Variants in SPINK5 observed in about 807,000 individuals in gnomAD.
SPINK5 encodes serine peptidase inhibitor Kazal type 5.
Under a neutral mutation model 151.8 loss-of-function variants are expected in SPINK5, and 125 were observed. The observed-to-expected ratio is 0.82, with a 90% CI of 0.71 to 0.96. The LOEUF is 0.96. SPINK5 is among the 40% of genes least tolerant of loss of function. SPINK5 has a pLI of 0.00. For missense variants in SPINK5, 1,194 were observed against 1,291.9 expected (o/e 0.92, Z 1.16); for synonymous variants, 374 against 395.3 (o/e 0.95, Z 0.64).
intron 8 of SPINK5, among the ~76,000 whole-genome samples, chr5:148,093,563 CTTG>C (rs1554103856): frequency 6.6e-6 from 1 of 151,788 alleles, no homozygotes; most frequent in Non-Finnish European, 1.5e-5. Context: ...TGGATAACAT[CTTG>C]TTTCTTTATA....
chr5:148,112,737 C>A lies in SPINK5; in HGVS notation c.1821-131C>A, dbSNP rs992278646. ...AATGATGTAGAGAGATGTGTGTTTA[C>A]CTTTCCACTCCAAAGCTAAGTTGGT... is the stretch of plus-strand genomic sequence containing the variant. On this transcript the variant is annotated intron_variant, in intron 19 of 32. Transcript: ENST00000256084. The A allele has an allele frequency of 2.8e-6, 4 of 1,436,280 alleles. No individual in the cohort carries two copies. The African/African-American group carries it at 5.7e-5, about 21-fold the overall frequency. The allele number at this position is 1,436,280 out of a possible 1,614,324, so 89.0% of individuals were successfully genotyped here.
At position 148,107,223 on chromosome 5, in the gene SPINK5, T is replaced by C. The variant is rs1303375137; in HGVS notation, c.1607+59T>C. The C allele has an allele frequency of 2.5e-6, 4 of 1,598,008 alleles. No individual in the cohort carries two copies. The African/African-American group carries it at 5.4e-5, about 21-fold the overall frequency. On this transcript the variant is annotated intron_variant, in intron 17 of 32. Coordinates refer to ENST00000256084, the MANE Select transcript of SPINK5 (RefSeq NM_006846.4). ...CTTCATCCATGATCGCCCCTGAGTC[T>C]CAGATCCTTCATGCATGTGTAGAGT...
intron 28 of SPINK5, 105 bp from the exon 29 acceptor site, chr5:148,125,618 G>T (rs1754410212): frequency 5.0e-6 from 8 of 1,614,092 alleles, no homozygotes; most frequent in Non-Finnish European, 6.8e-6. Context: ...AGTACAGTGA[G>T]TCTGAGCCCA....
At chr5:148,078,338 A>G (rs1477880569) in intron 4 of SPINK5, among the ~76,000 whole-genome samples, 2 of 151,188 alleles carry the variant, frequency 1.3e-5, no homozygotes, top group Non-Finnish European at 3.0e-5. Context: ...GAATTCAAAA[A>G]TAATCGTTAG....
At chr5:148,133,367 C>T (rs1373208429) in intron 31 of SPINK5, among the ~76,000 whole-genome samples, 1 of 152,182 alleles carries the variant, frequency 6.6e-6, no homozygotes, top group Non-Finnish European at 1.5e-5. Context: ...AAAATTCGTA[C>T]TCCTTAAGAT....
chr5:148,126,016 CTG>C (rs1299068934), intron 29 of SPINK5, among the ~76,000 whole-genome samples, 166 bp downstream of exon 29: 2 of 152,182 alleles, frequency 1.3e-5, no homozygotes, highest in Non-Finnish European at 2.9e-5. Flanking sequence ...AGAAAGAACA[CTG>C]AGACTTGGAG....
chr5:148,118,215 C>T (rs1754150012), intron 22 of SPINK5, among the ~76,000 whole-genome samples: 2 of 152,114 alleles, frequency 1.3e-5, no homozygotes. Flanking sequence ...GACAGTGTTT[C>T]ACCATGCTGT....
In SPINK5 at chr5:148,120,330, A is replaced by G. The variant is rs1330257248; in HGVS notation, c.2477A>G (p.Asp826Gly). 6.2e-7 allele frequency: 1 copy of G among 1,604,814 alleles called. No individual in the cohort carries two copies. The highest frequency in any genetic ancestry group is 1.3e-5 in the African/African-American group (1 of 74,632). The change falls in exon 26 of 33, where the codon GAT becomes GGT. Residue 826 changes from aspartate (D) to glycine (G), a missense_variant. Physicochemically the swap from Asp to Gly is moderately conservative, Grantham distance 94. Coordinates refer to ENST00000256084, the MANE Select transcript of SPINK5 (RefSeq NM_006846.4). ...REAAEKKKKE[D>G]EDRSNTGERS... ...GCAGCTGAAAAAAAAAAGAAAGAGG[A>G]TGAAGACAGGAGCAATACAGGAGAA...
At chr5:148,065,963 G>A (rs1007977) in intron 2 of SPINK5, among the ~76,000 whole-genome samples, 106,540 of 151,952 alleles carry the variant, frequency 0.7, 37,811 homozygotes, top group East Asian at 0.91. Context: ...CATATGGTAC[G>A]TTAAATAATG....
rs1383400571 is a variant in SPINK5 at position 148,119,999 on chromosome 5, A to G, written c.2314-10A>G. The G allele has an allele frequency of 4.3e-6, 7 of 1,613,690 alleles. No homozygotes were observed. The highest frequency in any genetic ancestry group is 5.1e-6 in the Non-Finnish European group (6 of 1,179,666). On this transcript the variant is annotated splice_polypyrimidine_tract_variant and intron_variant, in intron 24 of 32. Coordinates refer to ENST00000256084, the MANE Select transcript of SPINK5 (RefSeq NM_006846.4). Reference sequence around the variant, plus strand: ...ACAGCACTTCCAATATAATCTTCCCATCTTTTCAGGATACATGTGATGAGT... The same window carrying G: ...ACAGCACTTCCAATATAATCTTCCCGTCTTTTCAGGATACATGTGATGAGT...
chr5:148,109,638 C>T (rs1005446078), intron 18 of SPINK5, among the ~76,000 whole-genome samples: 1 of 151,936 alleles, frequency 6.6e-6, no homozygotes, highest in Non-Finnish European at 1.5e-5. Context: ...AGATTTTACA[C>T]GCTTCTGCCA....
intron 25 of SPINK5, 22 bp downstream of exon 25, chr5:148,120,158 C>A (rs369933837): frequency 1.2e-6 from 2 of 1,613,986 alleles, no homozygotes; most frequent in East Asian, 2.2e-5. Context: ...TCAAAATGAG[C>A]TTTTGACTGT....
At chr5:148,124,143 C>T (rs966573057) in intron 27 of SPINK5, among the ~76,000 whole-genome samples, 183 bp downstream of exon 27, 1 of 152,096 alleles carries the variant, frequency 6.6e-6, no homozygotes, top group Non-Finnish European at 1.5e-5. Context: ...TGTTGAAAAG[C>T]ATAATCATAC....
rs1403338348 is a variant in SPINK5 at position 148,137,325 on chromosome 5, T to A, written c.*334T>A. On this transcript the variant is annotated 3_prime_UTR_variant, in exon 33 of 33. Transcript: ENST00000256084. ...TCTTTGTCACTATCTGGATAATAGA[T>A]ATTTGCTTTTAAAGAAACTGAATAA... is the stretch of plus-strand genomic sequence containing the variant. 1 of 380,696 alleles carries A rather than the reference T, an allele frequency of 2.6e-6. No homozygotes were observed. Among genetic ancestry groups the A allele is most frequent in the Non-Finnish European group, 4.7e-6 (1 of 210,940 alleles). 23.6% of individuals were successfully genotyped at this position (380,696 alleles called of 1,614,324 possible).
At chr5:148,076,176 T>A (rs1358908398) in intron 4 of SPINK5, among the ~76,000 whole-genome samples, 5 of 151,776 alleles carry the variant, frequency 3.3e-5, no homozygotes, top group African/African-American at 1.2e-4. Flanking sequence ...AAGGTCTATC[T>A]GAGAGGGTGA....
chr5:148,065,154 A>C (rs1300927457), intron 1 of SPINK5, among the ~76,000 whole-genome samples, 193 bp from the exon 2 acceptor site: 1 of 152,158 alleles, frequency 6.6e-6, no homozygotes, highest in Non-Finnish European at 1.5e-5. Flanking sequence ...CTTTGTGAGT[A>C]TATATACTAA....
At chr5:148,103,005 C>G (rs961480432) in intron 15 of SPINK5, among the ~76,000 whole-genome samples, 8 of 151,984 alleles carry the variant, frequency 5.3e-5, no homozygotes, top group African/African-American at 1.9e-4. Flanking sequence ...AAAAAAACCC[C>G]CATTTTATTT....
chr5:148,070,511 G>A (rs1752710506), intron 3 of SPINK5, 61 bp downstream of exon 3: 2 of 1,598,488 alleles, frequency 1.3e-6, no homozygotes, highest in South Asian at 1.1e-5. Context: ...CTCTGAACTG[G>A]TAAATGTATT....
At chr5:148,065,502 A>G in intron 2 of SPINK5, 130 bp downstream of exon 2, 1 of 948,124 alleles carries the variant, frequency 1.1e-6, no homozygotes, top group Non-Finnish European at 1.6e-6. Context: ...TTTGTTAAAA[A>G]CACAGAAACA....
Sources: gnomAD v4.1 joint callset for allele counts (sites outside exome capture counted in the v4.1 genomes callset) on GRCh38, gnomAD v4.1.1 for gene constraint, MANE v1.5 for transcripts, NCBI Gene and HGNC (gene_info 2026-07-23, HGNC 2026-07-21) for gene names.